Variants in SCN8A observed in about 807,000 individuals in gnomAD.
SCN8A encodes sodium channel protein type 8 subunit alpha.
In SCN8A, 30 loss-of-function variants were observed where a neutral mutation model predicts 184.1. That is an observed-to-expected ratio of 0.16 (90% CI 0.12 to 0.22). SCN8A has a LOEUF of 0.22. Ranked by LOEUF, SCN8A falls within the 10% of genes least tolerant of loss-of-function variation. SCN8A has a pLI of 1.00. For missense variants in SCN8A, 1,057 were observed against 2,498.9 expected (o/e 0.42, Z 12.30); for synonymous variants, 852 against 907.0 (o/e 0.94, Z 1.09).
intron 1 of SCN8A, among the ~76,000 whole-genome samples, chr12:51,649,018 G>C (rs1940651396): frequency 6.6e-6 from 1 of 152,132 alleles, no homozygotes; most frequent in South Asian, 2.1e-4. Context: ...TACAGGTATT[G>C]GGTAAATACA....
intron 1 of SCN8A, among the ~76,000 whole-genome samples, chr12:51,598,377 G>T (rs943150005): frequency 2.6e-5 from 4 of 152,124 alleles, no homozygotes; most frequent in Admixed American, 6.6e-5. Context: ...AGAACCTTGG[G>T]AAGGTGGTTT....
At chr12:51,651,815 G>C (rs1940720709) in intron 1 of SCN8A, among the ~76,000 whole-genome samples, 1 of 152,160 alleles carries the variant, frequency 6.6e-6, no homozygotes, top group African/African-American at 2.4e-5. Context: ...TCAACACTGA[G>C]AGCTCCTAGG....
At chr12:51,667,007 A>G (rs1205534531) in intron 2 of SCN8A, among the ~76,000 whole-genome samples, 9 of 152,166 alleles carry the variant, frequency 5.9e-5, no homozygotes, top group Non-Finnish European at 1.2e-4. Context: ...CTTCGTTCTA[A>G]TACCTCCTTT....
At chr12:51,763,096 A>G (rs1254228110) in intron 15 of SCN8A, among the ~76,000 whole-genome samples, 2 of 152,222 alleles carry the variant, frequency 1.3e-5, no homozygotes. Flanking sequence ...TTCAAAGATG[A>G]CTTTCTTCAT....
At chr12:51,741,961 C>A (rs1333278059) in intron 12 of SCN8A, among the ~76,000 whole-genome samples, 19 of 152,204 alleles carry the variant, frequency 1.2e-4, no homozygotes, top group Admixed American at 1.2e-3. Context: ...ACCTCGACCT[C>A]CTAGAGTGCT....
chr12:51,664,383 T>G (rs1290068997), intron 2 of SCN8A, among the ~76,000 whole-genome samples: 2 of 152,052 alleles, frequency 1.3e-5, no homozygotes, highest in Non-Finnish European at 2.9e-5. Context: ...AATTTTTGTA[T>G]TTTTAGTAGA....
At chr12:51,695,598 A>T (rs1301992874) in intron 6 of SCN8A, among the ~76,000 whole-genome samples, 1 of 152,236 alleles carries the variant, frequency 6.6e-6, no homozygotes, top group Non-Finnish European at 1.5e-5. Context: ...ATGCAGAGCC[A>T]GAAAGCCACA....
At chr12:51,771,313 C>A (rs77880782) in intron 19 of SCN8A, among the ~76,000 whole-genome samples, 2 of 151,852 alleles carry the variant, frequency 1.3e-5, no homozygotes, top group Admixed American at 1.3e-4. Flanking sequence ...TGAGGACTGC[C>A]GGGACTAGAG....
rs1938205742 is a variant in SCN8A, at chr12:51,790,194, C to G, written c.4420-204C>G. Among the ~76,000 whole-genome samples the G allele has an allele frequency of 2.0e-5, 3 of 152,242 alleles. No individual in the cohort carries two copies. The South Asian group carries it at 6.2e-4, about 32-fold the overall frequency. ...CCTTTCTACCTTGGGACTGGAAGAT[C>G]TTAGAAATCCTGAGCTAAAAACAAA... On this transcript the variant is annotated intron_variant, in intron 24 of 26. Coordinates refer to ENST00000627620, the MANE Select transcript of SCN8A (RefSeq NM_001330260.2).
chr12:51,799,263 G>A (rs979325053), intron 26 of SCN8A, among the ~76,000 whole-genome samples: 1 of 152,142 alleles, frequency 6.6e-6, no homozygotes, highest in Non-Finnish European at 1.5e-5. Flanking sequence ...GGACCTGCTC[G>A]AGCCCAATCA....
chr12:51,724,366 G>A (rs991616560), intron 12 of SCN8A, among the ~76,000 whole-genome samples: 2 of 152,110 alleles, frequency 1.3e-5, no homozygotes, highest in Non-Finnish European at 2.9e-5. Context: ...AGAATCACTT[G>A]AACCTGGGAG....
In SCN8A at chr12:51,775,530, A is replaced by G. The variant is rs538907831; in HGVS notation, c.3819+1168A>G. Among the ~76,000 whole-genome samples, 14 of 152,328 alleles carry G rather than the reference A, an allele frequency of 9.2e-5. No individual in the cohort carries two copies. In the South Asian group the frequency reaches 2.9e-3, roughly 32 times the overall value. On this transcript the variant is annotated intron_variant, in intron 20 of 26. Coordinates refer to ENST00000627620, the MANE Select transcript of SCN8A (RefSeq NM_001330260.2). ...TAAATGAGGTGAGGACCCCAGCCCT[A>G]GAGGGTACCAACGTGAGACCCTCGC...
rs1938091522 is a variant in SCN8A at position 51,786,550 on chromosome 12, G to A, written c.3951G>A (p.Val1317=). The A allele has an allele frequency of 6.2e-7, 1 of 1,614,172 alleles. No individual in the cohort carries two copies. The highest frequency in any genetic ancestry group is 2.2e-5 in the East Asian group (1 of 44,886). The part of the protein sequence containing the change: ...LSRFEGMRVV[V]NALVGAIPSI... The stretch of plus-strand genomic sequence containing the variant: ...CTCCCCTTCCAATGCAGGTGGTGGT[G>A]AATGCCTTGGTGGGCGCCATCCCCT... Residue 1317 remains valine, a synonymous_variant, in exon 22 of 27, where the codon GTG becomes GTA. Coordinates refer to ENST00000627620, the MANE Select transcript of SCN8A (RefSeq NM_001330260.2).
intron 2 of SCN8A, among the ~76,000 whole-genome samples, chr12:51,676,582 G>A (rs1457540802): frequency 6.6e-6 from 1 of 152,212 alleles, no homozygotes; most frequent in Non-Finnish European, 1.5e-5. Flanking sequence ...AGAAAGAGGT[G>A]CATAGGCCTG....
chr12:51,648,417 A>G (rs1592353720), intron 1 of SCN8A, among the ~76,000 whole-genome samples: 1 of 152,170 alleles, frequency 6.6e-6, no homozygotes, highest in Non-Finnish European at 1.5e-5. Context: ...TGTTTCTTTT[A>G]TTAAGCCACT....
Position 51,787,051 on chromosome 12 carries a change from G to A in SCN8A, c.4227+225G>A, listed in dbSNP as rs117329304. Among the ~76,000 whole-genome samples the A allele has an allele frequency of 0.01, 1,537 of 152,224 alleles. 8 individuals carry two copies. The highest frequency in any genetic ancestry group is 0.014 in the Non-Finnish European group (969 of 68,004). Reference sequence around the variant, plus strand: ...AAAGGAAATCTCTCATTGTGCTCAGGAACAGAGCTGTGCCCAGCAACAAAT... The same window carrying A: ...AAAGGAAATCTCTCATTGTGCTCAGAAACAGAGCTGTGCCCAGCAACAAAT... On this transcript the variant is annotated intron_variant, in intron 22 of 26. Transcript: ENST00000627620.
chr12:51,775,436 C>G (rs925285175), intron 20 of SCN8A, among the ~76,000 whole-genome samples: 8 of 152,192 alleles, frequency 5.3e-5, no homozygotes, highest in African/African-American at 1.9e-4. Flanking sequence ...TTAATGACCC[C>G]CTTCCCAGAA....
At chr12:51,612,467 A>G (rs1016669421) in intron 1 of SCN8A, among the ~76,000 whole-genome samples, 1 of 152,140 alleles carries the variant, frequency 6.6e-6, no homozygotes, top group Admixed American at 6.5e-5. Flanking sequence ...CCTAGCTGCT[A>G]GTTTTAGTAC....
intron 12 of SCN8A, among the ~76,000 whole-genome samples, chr12:51,725,526 A>G: frequency 6.6e-6 from 1 of 152,084 alleles, no homozygotes; most frequent in Non-Finnish European, 1.5e-5. Context: ...ATCTCATTTT[A>G]TTCTTATAAT....
Sources: allele counts gnomAD v4.1 joint callset (sites outside exome capture counted in the v4.1 genomes callset), GRCh38; gene constraint gnomAD v4.1.1; transcripts MANE v1.5; gene names NCBI Gene and HGNC (gene_info 2026-07-23, HGNC 2026-07-21).